Variants in PRIM2 observed in about 807,000 individuals in gnomAD.
PRIM2 encodes the protein DNA primase subunit 2.
PRIM2 carries 39 observed loss-of-function variants against 67.3 expected under a neutral mutation model. That is an observed-to-expected ratio of 0.58 (90% CI 0.45 to 0.76). The LOEUF (loss-of-function observed/expected upper bound fraction) is 0.76, where lower values mean the gene tolerates loss of function less well. Among genes scored for constraint, PRIM2 ranks in the 30% least tolerant of loss-of-function variants. The pLI, the probability that PRIM2 is intolerant of heterozygous loss-of-function variation, is 0.00. For missense variants in PRIM2, 398 were observed against 598.7 expected, an observed-to-expected ratio of 0.66 and a Z score of 3.50; for synonymous variants, 143 against 198.7, an observed-to-expected ratio of 0.72 and a Z score of 2.36.
At chr6:57,615,390 C>T (rs1377897692) in intron 12 of PRIM2, among the ~76,000 whole-genome samples, 31 of 145,960 alleles carry the variant, frequency 2.1e-4, no homozygotes, top group Middle Eastern at 3.7e-3. Context: ...CACTGCACTC[C>T]AGCCTGGGCC....
At chr6:57,561,726 T>C (rs1456448477) in intron 10 of PRIM2, among the ~76,000 whole-genome samples, 3 of 152,234 alleles carry the variant, frequency 2.0e-5, no homozygotes, top group African/African-American at 7.2e-5. Context: ...CATTCACATA[T>C]TCACTGGAGA....
At chr6:57,432,216 A>AT (rs1188146077) in intron 7 of PRIM2, among the ~76,000 whole-genome samples, 10 of 151,364 alleles carry the variant, frequency 6.6e-5, no homozygotes, top group African/African-American at 1.4e-4. Flanking sequence ...AAAACTTTCC[A>AT]TTTTTGGGGG....
chr6:57,263,188 C>T, the PRIM2 span, among the ~76,000 whole-genome samples: 1 of 152,212 alleles, frequency 6.6e-6, no homozygotes, highest in Non-Finnish European at 1.5e-5. Context: ...TTACCAGAAA[C>T]CTGGCCCTAA....
At chr6:57,644,475 T>G (rs1465615237) in intron 13 of PRIM2, among the ~76,000 whole-genome samples, 1 of 152,230 alleles carries the variant, frequency 6.6e-6, no homozygotes, top group East Asian at 1.9e-4. Context: ...TAGAGGTTTT[T>G]AAGTATATGA....
chr6:57,479,083 T>G (rs1292859117), intron 7 of PRIM2, among the ~76,000 whole-genome samples: 9 of 152,184 alleles, frequency 5.9e-5, no homozygotes, highest in Non-Finnish European at 1.0e-4. Context: ...GAGATGGAGT[T>G]TGCTGTGAGG....
chr6:57,621,509 A>T lies in PRIM2; in HGVS notation c.1231-10624A>T, dbSNP rs1776854292. The stretch of plus-strand genomic sequence containing the variant: ...TTTTCTCATTATTTGCTTAGTGGTT[A>T]TCCTGGGGACTGTAACCTTTTATAT... On this transcript the variant is annotated intron_variant, in intron 12 of 13. Transcript: ENST00000615550. Among the ~76,000 whole-genome samples, 26 of 151,890 alleles carry T rather than the reference A, an allele frequency of 1.7e-4. No individual in the cohort carries two copies. The South Asian group carries it at 5.4e-3, about 32-fold the overall frequency.
At chr6:57,323,553 A>T (rs1284790327) in intron 3 of PRIM2, among the ~76,000 whole-genome samples, 1 of 152,148 alleles carries the variant, frequency 6.6e-6, no homozygotes, top group African/African-American at 2.4e-5. Flanking sequence ...CCTGAAAAGC[A>T]TATTAAGAAA....
chr6:57,523,070 A>G (rs1774659577), intron 8 of PRIM2, among the ~76,000 whole-genome samples: 1 of 152,236 alleles, frequency 6.6e-6, no homozygotes, highest in African/African-American at 2.4e-5. Flanking sequence ...ATAGAAAGAA[A>G]TTGGCGAACG....
At chr6:57,435,893 T>C (rs1484023390) in intron 7 of PRIM2, among the ~76,000 whole-genome samples, 1 of 152,222 alleles carries the variant, frequency 6.6e-6, no homozygotes, top group African/African-American at 2.4e-5. Flanking sequence ...GGGTATATTA[T>C]GTTTTTTGAG....
intron 5 of PRIM2, among the ~76,000 whole-genome samples, chr6:57,352,301 C>T (rs4712147): frequency 0.41 from 62,753 of 151,850 alleles, 13,738 homozygotes; most frequent in South Asian, 0.56. Context: ...AGTGCAATGG[C>T]GTGATCTCGG....
At chr6:57,612,875 A>G (rs1328703591) in intron 12 of PRIM2, among the ~76,000 whole-genome samples, 2 of 149,532 alleles carry the variant, frequency 1.3e-5, no homozygotes, top group East Asian at 2.0e-4. Flanking sequence ...TCTTATTGCA[A>G]CCTCGAACTC....
rs1464524154 is a variant in PRIM2, at chr6:57,537,491, C to T, written c.886C>T (p.Arg296Trp). ...CATGCGTCAGTTACATAAAGCCTTG[C>T]GGGAAAATCACCATCTTCGTCATGG... is the stretch of plus-strand genomic sequence containing the variant. ...PCMRQLHKALRENHHLRHGGR... is the reference protein window; with the variant it reads ...PCMRQLHKALWENHHLRHGGR... Residue 296 changes from arginine (R) to tryptophan (W), a missense_variant, in exon 10 of 14, where the codon CGG becomes TGG. Coordinates refer to ENST00000615550, the MANE Select transcript of PRIM2 (RefSeq NM_000947.5). 3.3e-6 allele frequency: 5 copies of T among 1,531,956 alleles called. No homozygotes were observed. Among genetic ancestry groups the T allele is most frequent in the Middle Eastern group, 1.7e-4 (1 of 5,892 alleles). The allele number at this position is 1,531,956 out of a possible 1,614,324, so 94.9% of individuals were successfully genotyped here.
intron 10 of PRIM2, among the ~76,000 whole-genome samples, chr6:57,570,132 T>C: frequency 6.6e-6 from 1 of 152,334 alleles, no homozygotes; most frequent in East Asian, 1.9e-4. Context: ...ATTTTTAGTT[T>C]GTTAACTCAT....
At chr6:57,283,142 T>C in the PRIM2 span, among the ~76,000 whole-genome samples, 1 of 152,188 alleles carries the variant, frequency 6.6e-6, no homozygotes, top group Non-Finnish European at 1.5e-5. Context: ...TAGATCTCAG[T>C]ATCTGATTTC....
intron 10 of PRIM2, among the ~76,000 whole-genome samples, chr6:57,590,697 C>G (rs1461214456): frequency 1.3e-5 from 2 of 152,116 alleles, no homozygotes; most frequent in Non-Finnish European, 2.9e-5. Context: ...CCTGTTACAA[C>G]TGGGTGATGT....
intron 10 of PRIM2, among the ~76,000 whole-genome samples, chr6:57,538,862 C>A (rs1340873837): frequency 6.6e-6 from 1 of 152,174 alleles, no homozygotes. Flanking sequence ...ACTAGTCTTA[C>A]GGGATTAGGG....
Position 57,646,094 on chromosome 6 carries a change from C to T in PRIM2, c.1466C>T (p.Ser489Phe). Residue 489 changes from serine (S) to phenylalanine (F), a missense_variant, in exon 14 of 14, where the codon TCT (serine) becomes TTT (phenylalanine). Physicochemically the swap from Ser to Phe is radical, Grantham distance 155 (BLOSUM62 -2). Around this residue, in one of 4 missense-constraint regions of PRIM2, gnomAD observed 72 missense variants for 89.4 expected, o/e 0.81. Transcript: ENST00000615550. The part of the protein sequence containing the change: ...KTKDASSALA[S>F]LNSSLEMDME... ...AAGGATGCATCATCTGCTCTGGCCT[C>T]TTTAAATTCCTCTCTGGAAATGGAT... The T allele has an allele frequency of 6.2e-7, 1 of 1,601,692 alleles. No individual in the cohort carries two copies. The highest frequency in any genetic ancestry group is 1.3e-5 in the African/African-American group (1 of 74,758).
At chr6:57,572,866 C>G (rs1394300042) in intron 10 of PRIM2, among the ~76,000 whole-genome samples, 3 of 152,292 alleles carry the variant, frequency 2.0e-5, no homozygotes, top group Admixed American at 6.5e-5. Flanking sequence ...CCTAATGTAG[C>G]TGCTTGGGAA....
In PRIM2 at chr6:57,513,137, A is replaced by G. The variant is rs1432985860; in HGVS notation, c.761+5683A>G. On this transcript the variant is annotated intron_variant, in intron 8 of 13. Coordinates refer to ENST00000615550, the MANE Select transcript of PRIM2 (RefSeq NM_000947.5). ...ATATGATTAGATATGTAATCTAAGG[A>G]GCCTGCATCTCATTGTGGCTTTACT... Among the ~76,000 whole-genome samples the G allele has an allele frequency of 4.0e-5, 6 of 151,532 alleles. No individual in the cohort carries two copies. In the East Asian group the frequency reaches 1.2e-3, roughly 29 times the overall value.
Sources: allele counts gnomAD v4.1 joint callset (sites outside exome capture counted in the v4.1 genomes callset), GRCh38; gene constraint gnomAD v4.1.1; regional missense constraint gnomAD v4.1.1; transcripts MANE v1.5; gene names NCBI Gene and HGNC (gene_info 2026-07-23, HGNC 2026-07-21).